Variants in NID1 observed in about 807,000 individuals in gnomAD.
NID1 encodes nidogen-1.
A neutral mutation model predicts 130.6 loss-of-function variants in NID1; 76 were observed. That is an observed-to-expected ratio of 0.58 (90% CI 0.48 to 0.70). NID1 has a LOEUF of 0.70. Among genes scored for constraint, NID1 ranks in the 30% least tolerant of loss-of-function variants. The pLI, the probability that NID1 is intolerant of heterozygous loss-of-function variation, is 0.00. For missense variants in NID1, 1,517 were observed against 1,664.8 expected (o/e 0.91, Z 1.54); for synonymous variants, 665 against 675.1 (o/e 0.98, Z 0.23).
At chr1:236,043,602 T>A (rs926577831) in intron 3 of NID1, among the ~76,000 whole-genome samples, 6 of 152,014 alleles carry the variant, frequency 3.9e-5, no homozygotes, top group Admixed American at 6.5e-5. Flanking sequence ...ATCGAGACCA[T>A]CCTGGCTAAC....
chr1:235,990,902 G>C lies in NID1; in HGVS notation c.2912C>G (p.Ala971Gly). Reference sequence around the variant, plus strand: ...AGCACTCACCGGGACATGAAGGAACGCCTTTGCTTCTGTCTTCCTCATGGT... The same window carrying C: ...AGCACTCACCGGGACATGAAGGAACCCCTTTGCTTCTGTCTTCCTCATGGT... ...GNTMRKTEAK[A>G]FLHVPAKVII... Residue 971 changes from alanine to glycine, a missense_variant, in exon 14 of 20, where the codon GCG becomes GGG. This residue lies in a region of NID1 where 1,329 missense variants were observed against 1,429.2 expected (regional missense o/e 0.93). Transcript: ENST00000264187. 1 of 1,614,070 alleles carries C rather than the reference G, an allele frequency of 6.2e-7. No homozygotes were observed. Among genetic ancestry groups the C allele is most frequent in the Non-Finnish European group, 8.5e-7 (1 of 1,180,004 alleles).
chr1:236,030,784 G>T (rs919814313), intron 6 of NID1, among the ~76,000 whole-genome samples: 8 of 152,216 alleles, frequency 5.3e-5, no homozygotes, highest in African/African-American at 1.9e-4. Flanking sequence ...AATTCAGAAG[G>T]ATCATTGGAG....
chr1:235,979,479 G>A lies in NID1; in HGVS notation c.3509+343C>T, dbSNP rs1019469407. ...AACTATAATGAAGCAGGGACATGAA[G>A]TGGACATGGAGCCCACCGGCCACGT... On this transcript the variant is annotated intron_variant, in intron 18 of 19. Transcript: ENST00000264187. The surrounding 1 kb of genome is among the most constrained non-coding windows in gnomAD (Gnocchi z 4.6). 6.6e-6 allele frequency among the ~76,000 whole-genome samples: 1 copy of A among 152,200 alleles called. No homozygotes were observed. The highest frequency in any genetic ancestry group is 6.5e-5 in the Admixed American group (1 of 15,270).
At chr1:236,053,429 A>G (rs1469406093) in intron 1 of NID1, among the ~76,000 whole-genome samples, 1 of 152,114 alleles carries the variant, frequency 6.6e-6, no homozygotes, top group Non-Finnish European at 1.5e-5. Context: ...CACTTTCTCC[A>G]TCTCAGCTAC....
In NID1 at chr1:235,979,166, A is replaced by G. The variant is rs1346352703; in HGVS notation, c.3510-59T>C. 3.7e-6 allele frequency: 4 copies of G among 1,081,886 alleles called. No individual in the cohort carries two copies. Among genetic ancestry groups the G allele is most frequent in the Non-Finnish European group, 5.7e-6 (4 of 701,886 alleles). The allele number at this position is 1,081,886 out of a possible 1,614,324, so 67.0% of individuals were successfully genotyped here. A position where few individuals can be genotyped will look rare whatever the true frequency, so the allele number is the denominator to read the frequency against. On this transcript the variant is annotated intron_variant, in intron 18 of 19. Transcript: ENST00000264187. This position sits in a 1 kb window ranked among gnomAD's most constrained non-coding sequence, Gnocchi z 4.6. Reference sequence around the variant, plus strand: ...CATCTGATGGCTTGAACTTGTATCTAAACAAGGCAGCCTCTTTGTCATTTT... The same window carrying G: ...CATCTGATGGCTTGAACTTGTATCTGAACAAGGCAGCCTCTTTGTCATTTT...
chr1:236,048,803 C>G lies in NID1; in HGVS notation c.412G>C (p.Val138Leu). The G allele has an allele frequency of 6.2e-7, 1 of 1,614,126 alleles. No homozygotes were observed. Among genetic ancestry groups the G allele is most frequent in the African/African-American group, 1.3e-5 (1 of 75,030 alleles). ...PSITQRAAEC[V>L]HRGFPEISFQ... ...GAGATCTCCGGGAACCCTCTGTGGA[C>G]ACACTCTGCTGCTCGCTGAGTGATG... The change falls in exon 2 of 20, where the codon GTC becomes CTC. Residue 138 changes from valine (V) to leucine (L), a missense_variant. Coordinates refer to ENST00000264187, the MANE Select transcript of NID1 (RefSeq NM_002508.3).
At position 235,993,533 on chromosome 1, in the gene NID1, T is replaced by C. The variant is rs528191076; in HGVS notation, c.2755+112A>G. On this transcript the variant is annotated intron_variant, in intron 13 of 19. Coordinates refer to ENST00000264187, the MANE Select transcript of NID1 (RefSeq NM_002508.3). ...CAGGAGCGGGTGGGGCTGGAGCCAG[T>C]GGAACAGTTCAAGCTTTAGGTCCAG... The C allele has an allele frequency of 3.1e-5, 31 of 1,015,626 alleles. No individual in the cohort carries two copies. In the African/African-American group the frequency reaches 3.7e-4, roughly 12 times the overall value. The allele number at this position is 1,015,626 out of a possible 1,614,324, so 62.9% of individuals were successfully genotyped here. A position where few individuals can be genotyped will look rare whatever the true frequency, so the allele number is the denominator to read the frequency against.
intron 9 of NID1, among the ~76,000 whole-genome samples, chr1:236,020,079 A>G (rs60933610): frequency 0.023 from 3,438 of 149,690 alleles, 128 homozygotes; most frequent in African/African-American, 0.077. Flanking sequence ...CTTCTTTTCT[A>G]TAAATTGAAG....
At position 235,980,593 on chromosome 1, in the gene NID1, G is replaced by A. The variant is rs771149872; in HGVS notation, c.3288C>T (p.Asp1096=). 2.0e-5 allele frequency: 32 copies of A among 1,614,058 alleles called. No individual in the cohort carries two copies. The highest frequency in any genetic ancestry group is 2.0e-4 in the South Asian group (18 of 91,080). ...GCACAAGGATCCTCCGGTTCGTGCC[G>A]TCCATGTAGGAAGTTTCAATCTTGG... ...DNPKIETSYM[D]GTNRRILVQD... Residue 1096 remains aspartate (D), a synonymous_variant, in exon 17 of 20, where the codon GAC becomes GAT. Transcript: ENST00000264187.
chr1:235,983,208 T>C (rs1217507968), intron 15 of NID1, among the ~76,000 whole-genome samples: 2 of 152,140 alleles, frequency 1.3e-5, no homozygotes, highest in Non-Finnish European at 2.9e-5. Context: ...ATACAAGCAG[T>C]GCAGACCCTC....
intron 1 of NID1, among the ~76,000 whole-genome samples, chr1:236,061,415 G>A (rs546263804): frequency 3.9e-5 from 6 of 152,272 alleles, no homozygotes; most frequent in African/African-American, 9.6e-5. Context: ...GCCGGCTAAT[G>A]TTATCCAATG....
intron 12 of NID1, among the ~76,000 whole-genome samples, chr1:236,010,675 G>A (rs1658385122): frequency 6.6e-6 from 1 of 152,182 alleles, no homozygotes; most frequent in Non-Finnish European, 1.5e-5. Context: ...TAACACGAAA[G>A]CAGCCATAGA....
chr1:235,989,014 T>C (rs1657649293), intron 14 of NID1, among the ~76,000 whole-genome samples: 1 of 152,090 alleles, frequency 6.6e-6, no homozygotes, highest in Admixed American at 6.6e-5. Context: ...GGTGAATGTT[T>C]ATCCCGTTGT....
In NID1 at chr1:236,026,058, G is replaced by C; in HGVS notation, c.1822C>G (p.Gln608Glu). Residue 608 changes from glutamine to glutamate, a missense_variant, in exon 8 of 20, where the codon CAG becomes GAG. By Grantham distance (29) the Gln-to-Glu change is conservative. Around this residue, in one of 3 missense-constraint regions of NID1, gnomAD observed 1,329 missense variants for 1,429.2 expected, o/e 0.93. Transcript: ENST00000264187. ...GASPSRIYTY[Q>E]WRQTITFQEC... is the part of the protein sequence containing the mutation. ...TGGAAGGTGATGGTCTGGCGCCACTGGTAAGTGTAGATGCGTGAAGGAGAT... is the reference window on the plus strand; with the variant it reads ...TGGAAGGTGATGGTCTGGCGCCACTCGTAAGTGTAGATGCGTGAAGGAGAT... 2 of 1,613,902 alleles carry C rather than the reference G, an allele frequency of 1.2e-6. No homozygotes were observed. Among genetic ancestry groups the C allele is most frequent in the Non-Finnish European group, 1.7e-6 (2 of 1,180,010 alleles).
Position 235,977,736 on chromosome 1 carries a change from T to C in NID1, c.*131A>G, listed in dbSNP as rs1404223919. 2.9e-6 allele frequency: 3 copies of C among 1,024,144 alleles called. No homozygotes were observed. The East Asian group carries it at 7.3e-5, about 25-fold the overall frequency. 63.4% of individuals were successfully genotyped at this position (1,024,144 alleles called of 1,614,324 possible). A position where few individuals can be genotyped will look rare whatever the true frequency, so the allele number is the denominator to read the frequency against. ...TGGGGAACAGTGAGGGAAAAGTTGT[T>C]GGGGCTCAGGCTGGGCTGGGTCTGG... On this transcript the variant is annotated 3_prime_UTR_variant, in exon 20 of 20. Coordinates refer to ENST00000264187, the MANE Select transcript of NID1 (RefSeq NM_002508.3).
intron 7 of NID1, among the ~76,000 whole-genome samples, chr1:236,027,307 A>G (rs1173321915): frequency 6.6e-6 from 1 of 152,186 alleles, no homozygotes; most frequent in African/African-American, 2.4e-5. Context: ...AGTTTGCTCC[A>G]TAATAGAAGC....
chr1:236,063,411 G>A (rs1231447695), intron 1 of NID1, among the ~76,000 whole-genome samples: 7 of 151,208 alleles, frequency 4.6e-5, no homozygotes, highest in African/African-American at 9.7e-5. Flanking sequence ...GGTGGAGGTT[G>A]CAGTGAGCTG....
chr1:236,020,036 T>TAAAA (rs57925295), intron 9 of NID1, among the ~76,000 whole-genome samples: 17 of 88,278 alleles, frequency 1.9e-4, no homozygotes, highest in African/African-American at 5.3e-4. Context: ...GACTCTGCCT[T>TAAAA]AAAAAAAAAA....
chr1:235,999,452 A>G (rs1658016520), intron 12 of NID1, among the ~76,000 whole-genome samples: 1 of 152,134 alleles, frequency 6.6e-6, no homozygotes, highest in Non-Finnish European at 1.5e-5. Flanking sequence ...GCCAGCAGAC[A>G]GTGGGAGCAG....
Sources: gnomAD v4.1 joint callset for allele counts (sites outside exome capture counted in the v4.1 genomes callset) on GRCh38, gnomAD v4.1.1 for gene constraint, gnomAD v4.1.1 regional missense constraint, Gnocchi (gnomAD v3.1) non-coding constraint, MANE v1.5 for transcripts, NCBI Gene and HGNC (gene_info 2026-07-23, HGNC 2026-07-21) for gene names.